The following SGSM1 variants were observed in gnomAD, a reference collection of about 807,000 sequenced individuals.
The protein encoded by SGSM1 is small G protein signaling modulator 1.
A neutral mutation model predicts 133.8 loss-of-function variants in SGSM1; 73 were observed. The observed-to-expected ratio is 0.55, with a 90% CI of 0.45 to 0.66. SGSM1 has a LOEUF of 0.66. SGSM1 is among the 30% of genes least tolerant of loss of function. The pLI, the probability that SGSM1 is intolerant of heterozygous loss-of-function variation, is 0.00. For missense variants in SGSM1, 1,213 were observed against 1,448.1 expected (o/e 0.84, Z 2.64); for synonymous variants, 563 against 573.0 (o/e 0.98, Z 0.25).
chr22:24,867,150 C>T lies in SGSM1; in HGVS notation c.984C>T (p.Cys328=). The change falls in exon 10 of 25, where the codon TGC becomes TGT. Residue 328 remains cysteine, a synonymous_variant. Transcript: ENST00000400358. The part of the protein sequence containing the change: ...IRLEEIVYLH[C]HQQVDSGGTV... ...TGGAGGAGATTGTCTACCTGCACTG[C>T]CACCAGCAAGGTAGGGACTGTGGGG... 1 of 1,613,802 alleles carries T rather than the reference C, an allele frequency of 6.2e-7. No individual in the cohort carries two copies. Among genetic ancestry groups the T allele is most frequent in the Non-Finnish European group, 8.5e-7 (1 of 1,179,836 alleles).
intron 14 of SGSM1, among the ~76,000 whole-genome samples, chr22:24,880,846 A>C (rs1932274876): frequency 6.6e-6 from 1 of 152,212 alleles, no homozygotes; most frequent in South Asian, 2.1e-4. Flanking sequence ...CAGCGATGCG[A>C]CTTGGGCAAG....
chr22:24,882,212 C>T (rs1354471839), intron 14 of SGSM1, among the ~76,000 whole-genome samples: 2 of 151,914 alleles, frequency 1.3e-5, no homozygotes, highest in African/African-American at 4.8e-5. Context: ...AACTACAGGC[C>T]GGTGCCAGTA....
chr22:24,866,122 G>A (rs1040966713), intron 9 of SGSM1, among the ~76,000 whole-genome samples: 2 of 152,170 alleles, frequency 1.3e-5, no homozygotes, highest in African/African-American at 4.8e-5. Flanking sequence ...GTGTTCTGAT[G>A]AGAAAAGCTA....
intron 19 of SGSM1, among the ~76,000 whole-genome samples, chr22:24,899,401 C>T (rs1409513612): frequency 6.6e-6 from 1 of 152,090 alleles, no homozygotes; most frequent in African/African-American, 2.4e-5. Context: ...CACAATCTTC[C>T]TCGTCCTGAT....
intron 2 of SGSM1, among the ~76,000 whole-genome samples, chr22:24,835,818 T>A (rs971869888): frequency 1.5e-4 from 23 of 152,004 alleles, no homozygotes; most frequent in Non-Finnish European, 8.8e-5. Flanking sequence ...TGGTGAGGAC[T>A]TGGGTTGTCA....
chr22:24,821,442 T>C (rs1035459734), intron 2 of SGSM1, among the ~76,000 whole-genome samples: 5 of 152,034 alleles, frequency 3.3e-5, no homozygotes, highest in East Asian at 1.9e-4. Flanking sequence ...ACGTGCAGCA[T>C]TGGAGGAAGG....
chr22:24,902,994 A>T (rs1299203035), intron 20 of SGSM1, among the ~76,000 whole-genome samples: 1 of 152,148 alleles, frequency 6.6e-6, no homozygotes, highest in Non-Finnish European at 1.5e-5. Context: ...ATGAACTGTG[A>T]TCACACAACT....
At chr22:24,835,907 A>G (rs1929399921) in intron 2 of SGSM1, among the ~76,000 whole-genome samples, 1 of 152,166 alleles carries the variant, frequency 6.6e-6, no homozygotes, top group Non-Finnish European at 1.5e-5. Flanking sequence ...TTTAACTGAA[A>G]AATATTCATT....
At chr22:24,878,065 C>G (rs1329371664) in intron 13 of SGSM1, among the ~76,000 whole-genome samples, 1 of 152,082 alleles carries the variant, frequency 6.6e-6, no homozygotes, top group East Asian at 1.9e-4. Context: ...CCCACCTTGG[C>G]CTCCCAAAGT....
intron 8 of SGSM1, among the ~76,000 whole-genome samples, chr22:24,858,635 C>CAAAAAAAAAA (rs139699): frequency 1.1e-4 from 9 of 83,028 alleles, no homozygotes; most frequent in African/African-American, 3.2e-4. Flanking sequence ...GACTCCATCT[C>CAAAAAAAAAA]AAAAAAAAAA....
chr22:24,877,117 G>A lies in SGSM1; in HGVS notation c.1430+402G>A, dbSNP rs548394773. Among the ~76,000 whole-genome samples the A allele has an allele frequency of 2.0e-3, 299 of 152,266 alleles. 2 individuals carry two copies. The highest frequency in any genetic ancestry group is 6.7e-3 in the African/African-American group (280 of 41,540). On this transcript the variant is annotated intron_variant, in intron 13 of 24. Coordinates refer to ENST00000400358, the MANE Select transcript of SGSM1 (RefSeq NM_001098497.3). ...CAGAGGTTGGAACCTACGATAAAAA[G>A]GCTCTGCCCAAAAGCAGCACATGTC...
intron 2 of SGSM1, among the ~76,000 whole-genome samples, chr22:24,832,411 G>A (rs1929171947): frequency 6.6e-6 from 1 of 152,184 alleles, no homozygotes; most frequent in Admixed American, 6.5e-5. Flanking sequence ...TTAAGAGTGT[G>A]GGTTTAGCTT....
Position 24,898,291 on chromosome 22 carries a change from G to A in SGSM1, c.2342G>A (p.Ser781Asn). Reference sequence around the variant, plus strand: ...CGGGAGGAGCTGGCCGTGCAGGACAGCCTGGAGAGTGACCTCCTGGCCAAC... The same window carrying A: ...CGGGAGGAGCTGGCCGTGCAGGACAACCTGGAGAGTGACCTCCTGGCCAAC... ...APREELAVQD[S>N]LESDLLANES... Residue 781 changes from serine (S) to asparagine (N), a missense_variant, in exon 19 of 25, where the codon AGC (serine) becomes AAC (asparagine). Ser to Asn is a conservative substitution (Grantham distance 46). Coordinates refer to ENST00000400358, the MANE Select transcript of SGSM1 (RefSeq NM_001098497.3). The A allele has an allele frequency of 6.2e-7, 1 of 1,613,994 alleles. No homozygotes were observed. Among genetic ancestry groups the A allele is most frequent in the African/African-American group, 1.3e-5 (1 of 75,056 alleles).
intron 9 of SGSM1, among the ~76,000 whole-genome samples, chr22:24,865,055 C>G (rs1240371674): frequency 1.3e-5 from 2 of 152,178 alleles, no homozygotes; most frequent in Non-Finnish European, 2.9e-5. Flanking sequence ...CTGGACAGGG[C>G]TCTCAGTCAT....
At chr22:24,898,833 C>G (rs1933013178) in intron 19 of SGSM1, among the ~76,000 whole-genome samples, 1 of 152,006 alleles carries the variant, frequency 6.6e-6, no homozygotes, top group Admixed American at 6.6e-5. Flanking sequence ...CGAGACCATC[C>G]TGGCTAACAT....
chr22:24,912,985 G>A (rs1933688746), intron 22 of SGSM1, among the ~76,000 whole-genome samples: 1 of 152,132 alleles, frequency 6.6e-6, no homozygotes, highest in Non-Finnish European at 1.5e-5. Flanking sequence ...TCATGGAAAT[G>A]AAGTAAACTA....
chr22:24,876,777 C>G, intron 13 of SGSM1, 62 bp downstream of exon 13: 1 of 1,602,298 alleles, frequency 6.2e-7, no homozygotes, highest in Non-Finnish European at 8.5e-7. Context: ...TCTGTAGATG[C>G]CCATGTCTTA....
intron 22 of SGSM1, among the ~76,000 whole-genome samples, chr22:24,915,703 C>T (rs940911909): frequency 5.3e-5 from 8 of 152,136 alleles, no homozygotes; most frequent in Admixed American, 2.6e-4. Context: ...TCCAAACAAT[C>T]CAATTATACA....
At chr22:24,892,438 G>A (rs1355290781) in intron 16 of SGSM1, among the ~76,000 whole-genome samples, 2 of 152,146 alleles carry the variant, frequency 1.3e-5, no homozygotes, top group Admixed American at 6.5e-5. Context: ...CCACCTCTTT[G>A]CTGAATCCCA....
Sources: allele counts gnomAD v4.1 joint callset (sites outside exome capture counted in the v4.1 genomes callset), GRCh38; gene constraint gnomAD v4.1.1; transcripts MANE v1.5; gene names NCBI Gene and HGNC (gene_info 2026-07-23, HGNC 2026-07-21).